The following VIPR2 variants were observed in gnomAD, a reference collection of about 807,000 sequenced individuals.
VIPR2 encodes vasoactive intestinal polypeptide receptor 2.
Under a neutral mutation model 58.0 loss-of-function variants are expected in VIPR2, and 48 were observed. That is an observed-to-expected ratio of 0.83 (90% CI 0.66 to 1.05). VIPR2 has a LOEUF of 1.05. Among genes scored for constraint, VIPR2 ranks in the 50% least tolerant of loss-of-function variants. The pLI, the probability that VIPR2 is intolerant of heterozygous loss-of-function variation, is 0.00. For missense variants in VIPR2, 534 were observed against 558.0 expected, an observed-to-expected ratio of 0.96 and a Z score of 0.43; for synonymous variants, 243 against 235.2, an observed-to-expected ratio of 1.03 and a Z score of -0.30.
In VIPR2 at chr7:159,109,848, A is replaced by T. The variant is rs1795921799; in HGVS notation, c.223T>A (p.Cys75Ser). The change falls in exon 3 of 13, where the codon TGC (cysteine) becomes AGC (serine). Residue 75 changes from cysteine (C) to serine (S), a missense_variant. By Grantham distance (112) the Cys-to-Ser change is moderately radical (BLOSUM62 -1). This residue lies in a region of VIPR2 where 224 missense variants were observed against 255.7 expected (regional missense o/e 0.88). Coordinates refer to ENST00000262178, the MANE Select transcript of VIPR2 (RefSeq NM_003382.5). ...ANVGETVTVP[C>S]PKVFSNFYSK... ...TAAAAATTGCTGAAGACTTTTGGGC[A>T]GGGCACCGTGACGGTCTCTCCCACA... 2 of 1,614,116 alleles carry T rather than the reference A, an allele frequency of 1.2e-6. No individual in the cohort carries two copies. Among genetic ancestry groups the T allele is most frequent in the Middle Eastern group, 1.6e-4 (1 of 6,084 alleles).
intron 2 of VIPR2, among the ~76,000 whole-genome samples, chr7:159,135,004 G>GTTTTTTGTTTTTTTTTTTT (rs1416758329): frequency 1.5e-5 from 1 of 65,990 alleles, no homozygotes; most frequent in African/African-American, 6.5e-5. Context: ...AATTACAAAA[G>GTTTTTTGTTTTTTTTTTTT]TTTTTTTTTT....
chr7:159,061,148 G>C (rs1308710614), intron 4 of VIPR2, among the ~76,000 whole-genome samples: 3 of 152,030 alleles, frequency 2.0e-5, no homozygotes, highest in Admixed American at 2.0e-4. Context: ...CAAATACCAC[G>C]TGTTCTCGTA....
Position 159,132,561 on chromosome 7 carries a change from A to G in VIPR2, c.151+9885T>C, listed in dbSNP as rs568162863. ...GGACACCCCATCTGGAACTCCAGCT[A>G]ATTATATGTTCAGAAACTACAGACC... On this transcript the variant is annotated intron_variant, in intron 2 of 12. Coordinates refer to ENST00000262178, the MANE Select transcript of VIPR2 (RefSeq NM_003382.5). Among the ~76,000 whole-genome samples the G allele has an allele frequency of 1.2e-3, 189 of 152,324 alleles. No individual in the cohort carries two copies. In the South Asian group the frequency reaches 0.038, roughly 31 times the overall value.
intron 5 of VIPR2, among the ~76,000 whole-genome samples, chr7:159,050,328 C>T (rs1284413686): frequency 6.9e-6 from 1 of 145,768 alleles, no homozygotes; most frequent in Non-Finnish European, 1.5e-5. Flanking sequence ...CAGAGACATA[C>T]TCCATCTCAA....
rs538671090 is a variant in VIPR2 at position 159,040,215 on chromosome 7, C to G, written c.597+2820G>C. Among the ~76,000 whole-genome samples, 36 of 152,352 alleles carry G rather than the reference C, an allele frequency of 2.4e-4. 1 individual carries two copies. In the South Asian group the frequency reaches 7.0e-3, roughly 30 times the overall value. On this transcript the variant is annotated intron_variant, in intron 6 of 12. Transcript: ENST00000262178. ...TCATTACACAGGCTCCAGAGCACCA[C>G]AGGAGGGGCCCAACTCCAGGGCCAG...
chr7:159,058,465 A>G lies in VIPR2; in HGVS notation c.455+16T>C, dbSNP rs1212592121. On this transcript the variant is annotated intron_variant, in intron 5 of 12. Coordinates refer to ENST00000262178, the MANE Select transcript of VIPR2 (RefSeq NM_003382.5). Reference sequence around the variant, plus strand: ...GTCTTGTATTCTTTGCAGAATTACTAATTTCTGCTCCTTACCTGAAGAGGC... The same window carrying G: ...GTCTTGTATTCTTTGCAGAATTACTGATTTCTGCTCCTTACCTGAAGAGGC... 1.9e-6 allele frequency: 3 copies of G among 1,601,662 alleles called. No homozygotes were observed. The highest frequency in any genetic ancestry group is 2.6e-6 in the Non-Finnish European group (3 of 1,169,266).
At chr7:159,055,826 T>C (rs754649925) in intron 5 of VIPR2, among the ~76,000 whole-genome samples, 5 of 152,236 alleles carry the variant, frequency 3.3e-5, no homozygotes, top group Non-Finnish European at 5.9e-5. Flanking sequence ...TTCTCAGTGA[T>C]ATTCTTCATT....
At position 159,133,741 on chromosome 7, in the gene VIPR2, G is replaced by A. The variant is rs183039326; in HGVS notation, c.151+8705C>T. On this transcript the variant is annotated intron_variant, in intron 2 of 12. Coordinates refer to ENST00000262178, the MANE Select transcript of VIPR2 (RefSeq NM_003382.5). The stretch of plus-strand genomic sequence containing the variant: ...TTATTATTAGAGATAACATATAAAC[G>A]AGATCTATTTTATTTGCCTAAAGAA... Among the ~76,000 whole-genome samples, 6 of 152,198 alleles carry A rather than the reference G, an allele frequency of 3.9e-5. No individual in the cohort carries two copies. The East Asian group carries it at 7.7e-4, about 20-fold the overall frequency.
intron 5 of VIPR2, among the ~76,000 whole-genome samples, chr7:159,045,624 T>G (rs907751618): frequency 6.6e-6 from 1 of 152,088 alleles, no homozygotes; most frequent in Non-Finnish European, 1.5e-5. Context: ...ATAAAACTCT[T>G]CTGAAAAAAC....
At chr7:159,084,372 C>T (rs1268428758) in intron 4 of VIPR2, among the ~76,000 whole-genome samples, 2 of 152,218 alleles carry the variant, frequency 1.3e-5, no homozygotes, top group Non-Finnish European at 2.9e-5. Flanking sequence ...CGCTGGAGGG[C>T]AGTGCCGCCA....
intron 4 of VIPR2, among the ~76,000 whole-genome samples, chr7:159,092,123 A>G (rs1241959278): frequency 6.6e-6 from 1 of 152,192 alleles, no homozygotes; most frequent in Non-Finnish European, 1.5e-5. Context: ...TCCTGTGAAG[A>G]CAGAGTCAGA....
chr7:159,131,983 G>C (rs1370504077), intron 2 of VIPR2, among the ~76,000 whole-genome samples: 2 of 152,232 alleles, frequency 1.3e-5, no homozygotes, highest in Non-Finnish European at 2.9e-5. Flanking sequence ...ACTTTCCAAT[G>C]GGACAGAACA....
chr7:159,061,271 G>C (rs1196448931), intron 4 of VIPR2, among the ~76,000 whole-genome samples: 1 of 150,062 alleles, frequency 6.7e-6, no homozygotes, highest in African/African-American at 2.5e-5. Flanking sequence ...GGATCAGTCA[G>C]ACCCCAAACT....
intron 2 of VIPR2, among the ~76,000 whole-genome samples, chr7:159,117,834 AAC>A (rs1183458875): frequency 6.6e-6 from 1 of 152,218 alleles, no homozygotes; most frequent in East Asian, 1.9e-4. Flanking sequence ...AGGGCTGGGG[AAC>A]AGCTCTAGGA....
At chr7:159,032,167 G>A (rs1233247768) in intron 10 of VIPR2, 100 bp from the exon 11 acceptor site, 2 of 1,487,290 alleles carry the variant, frequency 1.3e-6, no homozygotes, top group Non-Finnish European at 1.8e-6. Context: ...GTGTGGGAGG[G>A]GCTCCACACC....
rs529250112 is a variant in VIPR2 at position 159,095,532 on chromosome 7, G to T, written c.357+8225C>A. Reference sequence around the variant, plus strand: ...GGCAAAGCACGTATAAATTTAAGTGGTTTTTTTAGTACTTAAAATTTGATT... The same window carrying T: ...GGCAAAGCACGTATAAATTTAAGTGTTTTTTTTAGTACTTAAAATTTGATT... On this transcript the variant is annotated intron_variant, in intron 4 of 12. Transcript: ENST00000262178. This position sits in a 1 kb window ranked among gnomAD's most constrained non-coding sequence, Gnocchi z 5.2. Among the ~76,000 whole-genome samples the T allele has an allele frequency of 4.8e-4, 73 of 152,258 alleles. No individual in the cohort carries two copies. The highest frequency in any genetic ancestry group is 1.7e-3 in the South Asian group (8 of 4,826).
chr7:159,059,160 G>C (rs1855490545), intron 4 of VIPR2: 21 of 463,862 alleles, frequency 4.5e-5, no homozygotes, highest in South Asian at 3.0e-4. Context: ...GGTACAGGAG[G>C]GATTCATGAT....
chr7:159,132,314 C>T (rs1341678488), intron 2 of VIPR2, among the ~76,000 whole-genome samples: 11 of 140,364 alleles, frequency 7.8e-5, no homozygotes, highest in East Asian at 4.0e-4. Flanking sequence ...TCTAGGAGGT[C>T]GAGCTCCACA....
At chr7:159,144,453 G>C (rs1292632673) in intron 1 of VIPR2, 2 of 1,543,318 alleles carry the variant, frequency 1.3e-6, no homozygotes, top group East Asian at 5.0e-5. Context: ...AAACGATCCC[G>C]TTTCCAGCAA....
Sources: gnomAD v4.1 joint callset for allele counts (sites outside exome capture counted in the v4.1 genomes callset) on GRCh38, gnomAD v4.1.1 for gene constraint, gnomAD v4.1.1 regional missense constraint, Gnocchi (gnomAD v3.1) non-coding constraint, MANE v1.5 for transcripts, NCBI Gene and HGNC (gene_info 2026-07-23, HGNC 2026-07-21) for gene names.